The following ADSS1 variants were observed in gnomAD, a reference collection of about 807,000 sequenced individuals.
ADSS1 encodes the protein adenylosuccinate synthetase isozyme 1.
In ADSS1, 57 loss-of-function variants were observed where a neutral mutation model predicts 59.1. The ratio of observed to expected loss-of-function variants is 0.97; its 90% confidence interval spans 0.78 to 1.20. The LOEUF (loss-of-function observed/expected upper bound fraction) is 1.20. Among genes scored for constraint, ADSS1 ranks in the 50% most tolerant of loss-of-function variants. The probability of loss-of-function intolerance (pLI) is 0.00; values close to 1 mark genes in which losing one functional copy is unlikely to be tolerated. For missense variants in ADSS1, 603 were observed against 610.3 expected, an observed-to-expected ratio of 0.99 and a Z score of 0.13; for synonymous variants, 247 against 249.4, an observed-to-expected ratio of 0.99 and a Z score of 0.09.
chr14:104,730,306 C>G, intron 1 of ADSS1: 1 of 1,304,114 alleles, frequency 7.7e-7, no homozygotes. Context: ...CCAGCCTGGC[C>G]AAGTGAAACC....
chr14:104,734,277 C>T (rs1891037563), intron 1 of ADSS1, among the ~76,000 whole-genome samples: 1 of 152,226 alleles, frequency 6.6e-6, no homozygotes, highest in East Asian at 1.9e-4. Flanking sequence ...GACCTGTGCC[C>T]TGCTGAGCAG....
Position 104,740,589 on chromosome 14 carries a change from C to T in ADSS1, c.477-12C>T, listed in dbSNP as rs201862216. 3 of 1,612,784 alleles carry T rather than the reference C, an allele frequency of 1.9e-6. No individual in the cohort carries two copies. In the African/African-American group the frequency reaches 4.0e-5, roughly 22 times the overall value. ...CCTGGGTTCTCATGGGTACCCACTC[C>T]CCATCTTTCAGTATAGGCACCACCA... On this transcript the variant is annotated splice_polypyrimidine_tract_variant and intron_variant, in intron 5 of 12. Transcript: ENST00000330877. The surrounding 1 kb of genome is among the most constrained non-coding windows in gnomAD (Gnocchi z 4.8).
rs539315236 is a variant in ADSS1, at chr14:104,739,458, C to T, written c.409+80C>T. ...GCCGGCCCTGCTCCTACATGGCCAC[C>T]GAGATCAGGGAAGTCCCCAAGGCCT... is the stretch of plus-strand genomic sequence containing the variant. On this transcript the variant is annotated intron_variant, in intron 4 of 12. Coordinates refer to ENST00000330877, the MANE Select transcript of ADSS1 (RefSeq NM_152328.5). 1.8e-4 allele frequency: 268 copies of T among 1,490,462 alleles called. 3 individuals are homozygous for T. The African/African-American group carries it at 2.9e-3, about 16-fold the overall frequency. The allele number at this position is 1,490,462 out of a possible 1,614,324, so 92.3% of individuals were successfully genotyped here.
chr14:104,743,424 G>A lies in ADSS1; in HGVS notation c.1073+233G>A, dbSNP rs556804303. The A allele has an allele frequency of 1.6e-4, 85 of 537,286 alleles. 1 individual carries two copies. In the Admixed American group the frequency reaches 1.6e-3, roughly 10 times the overall value. The allele number at this position is 537,286 out of a possible 1,614,324, so 33.3% of individuals were successfully genotyped here. A position where few individuals can be genotyped will look rare whatever the true frequency, so the allele number is the denominator to read the frequency against. On this transcript the variant is annotated intron_variant, in intron 10 of 12. Coordinates refer to ENST00000330877, the MANE Select transcript of ADSS1 (RefSeq NM_152328.5). Reference sequence around the variant, plus strand: ...AAACTCCCACCCCAGGGCTGATGCCGTGAAGGATGAGGGCATCCCGGCACT... The same window carrying A: ...AAACTCCCACCCCAGGGCTGATGCCATGAAGGATGAGGGCATCCCGGCACT...
Position 104,744,884 on chromosome 14 carries a change from C to G in ADSS1, c.1146C>G (p.Asn382Lys). 1 of 1,613,980 alleles carries G rather than the reference C, an allele frequency of 6.2e-7. No homozygotes were observed. Among genetic ancestry groups the G allele is most frequent in the South Asian group, 1.1e-5 (1 of 91,080 alleles). ...EVKVGVSYKLNGKRIPYFPAN... is the reference protein window; with the variant it reads ...EVKVGVSYKLKGKRIPYFPAN... ...AAGTCGGTGTCTCATACAAGCTGAA[C>G]GGGAAAAGGATTCCCTATTTCCCAG... is the stretch of plus-strand genomic sequence containing the variant. The change falls in exon 11 of 13, where the codon AAC becomes AAG. Residue 382 changes from asparagine (N) to lysine (K), a missense_variant. Transcript: ENST00000330877.
rs1473282795 is a variant in ADSS1, at chr14:104,740,346, C to T, written c.477-255C>T. ...CACGCCACACAAGCCCACACACCCA[C>T]GCAAATGCACAAAAGTACACACAGC... On this transcript the variant is annotated intron_variant, in intron 5 of 12. Transcript: ENST00000330877. This position sits in a 1 kb window ranked among gnomAD's most constrained non-coding sequence, Gnocchi z 4.8. Among the ~76,000 whole-genome samples, 5 of 151,998 alleles carry T rather than the reference C, an allele frequency of 3.3e-5. No homozygotes were observed. Among genetic ancestry groups the T allele is most frequent in the Admixed American group, 1.3e-4 (2 of 15,266 alleles).
Position 104,726,692 on chromosome 14 carries a change from A to G in ADSS1, c.192+2230A>G, listed in dbSNP as rs1890727112. Among the ~76,000 whole-genome samples the G allele has an allele frequency of 2.0e-5, 3 of 152,220 alleles. 1 individual carries two copies. Among genetic ancestry groups the G allele is most frequent in the Admixed American group, 2.0e-4 (3 of 15,288 alleles). On this transcript the variant is annotated intron_variant, in intron 1 of 12. Coordinates refer to ENST00000330877, the MANE Select transcript of ADSS1 (RefSeq NM_152328.5). The stretch of plus-strand genomic sequence containing the variant: ...GAAGGTACCCGACATGGGGGTCTCC[A>G]GGCGCACAGAGGCCAAACCTCACCC...
In ADSS1 at chr14:104,724,266, C is replaced by A. The variant is rs1413253220; in HGVS notation, c.-5C>A. 2 of 1,227,866 alleles carry A rather than the reference C, an allele frequency of 1.6e-6. No individual in the cohort carries two copies. The highest frequency in any genetic ancestry group is 3.2e-5 in the East Asian group (1 of 31,276). 76.1% of individuals were successfully genotyped at this position (1,227,866 alleles called of 1,614,324 possible). On this transcript the variant is annotated 5_prime_UTR_variant, in exon 1 of 13. Transcript: ENST00000330877. ...GGGCCAGCGCAGCGGAAGAGCCAAG[C>A]CAGCATGTCGGGGACCCGAGCCTCC...
At chr14:104,725,444 C>T (rs1321046774) in intron 1 of ADSS1, among the ~76,000 whole-genome samples, 1 of 152,182 alleles carries the variant, frequency 6.6e-6, no homozygotes, top group Non-Finnish European at 1.5e-5. Context: ...TCTGTGGCCT[C>T]CTTCCTGAGC....
rs1289084888 is a variant in ADSS1, at chr14:104,743,130, C to T, written c.1012C>T (p.Arg338Cys). 10 of 1,612,952 alleles carry T rather than the reference C, an allele frequency of 6.2e-6. No homozygotes were observed. Among genetic ancestry groups the T allele is most frequent in the East Asian group, 2.2e-5 (1 of 44,878 alleles). Residue 338 changes from arginine to cysteine, a missense_variant, in exon 10 of 13, where the codon CGC becomes TGC. Coordinates refer to ENST00000330877, the MANE Select transcript of ADSS1 (RefSeq NM_152328.5). The stretch of plus-strand genomic sequence containing the variant: ...GGGAGTGACCACAGGCAGGAAGAGG[C>T]GCTGCGGCTGGCTCGACCTGATGAT... ...EWGVTTGRKR[R>C]CGWLDLMILR...
chr14:104,736,651 AG>A (rs958339254), intron 2 of ADSS1, among the ~76,000 whole-genome samples: 2 of 152,090 alleles, frequency 1.3e-5, no homozygotes, highest in Non-Finnish European at 2.9e-5. Flanking sequence ...GGGAGGCAGC[AG>A]GGGTTTCTGA....
rs201576945 is a variant in ADSS1 at position 104,743,093 on chromosome 14, C to A, written c.975C>A (p.Arg325=). The A allele has an allele frequency of 5.3e-5, 86 of 1,612,988 alleles. No homozygotes were observed. Among genetic ancestry groups the A allele is most frequent in the Non-Finnish European group, 5.9e-6 (7 of 1,179,994 alleles). ...INEIGGLLQT[R]GHEWGVTTGR... ...AGATTGGAGGCCTGCTGCAGACCCGCGGCCACGAGTGGGGAGTGACCACAG... is the reference window on the plus strand; with the variant it reads ...AGATTGGAGGCCTGCTGCAGACCCGAGGCCACGAGTGGGGAGTGACCACAG... Residue 325 remains arginine (R), a synonymous_variant, in exon 10 of 13, where the codon CGC becomes CGA. Coordinates refer to ENST00000330877, the MANE Select transcript of ADSS1 (RefSeq NM_152328.5).
At chr14:104,733,835 C>G (rs1244023133) in intron 1 of ADSS1, among the ~76,000 whole-genome samples, 1 of 152,152 alleles carries the variant, frequency 6.6e-6, no homozygotes, top group Non-Finnish European at 1.5e-5. Context: ...CGCAACCCCA[C>G]CGGGACCCTG....
At position 104,735,019 on chromosome 14, in the gene ADSS1, G is replaced by T; in HGVS notation, c.193-1G>T. The stretch of plus-strand genomic sequence containing the variant: ...TCAGCTCAGCCGGGTTTCTGTTCCA[G>T]GGGGGCAACAACGCCGGCCACACGG... On this transcript the variant is annotated splice_acceptor_variant, in intron 1 of 12. Coordinates refer to ENST00000330877, the MANE Select transcript of ADSS1 (RefSeq NM_152328.5). LOFTEE classifies it high-confidence loss of function. The T allele has an allele frequency of 6.2e-7, 1 of 1,612,320 alleles. No homozygotes were observed. Among genetic ancestry groups the T allele is most frequent in the Non-Finnish European group, 8.5e-7 (1 of 1,178,736 alleles).
chr14:104,739,271 G>C, intron 3 of ADSS1, 57 bp from the exon 4 acceptor site: 1 of 1,559,460 alleles, frequency 6.4e-7, no homozygotes, highest in Non-Finnish European at 8.7e-7. Context: ...GGCCCCTCAC[G>C]TGTGAGCTGC....
At chr14:104,735,367 C>T (rs777473775) in intron 2 of ADSS1, among the ~76,000 whole-genome samples, 11 of 151,936 alleles carry the variant, frequency 7.2e-5, no homozygotes, top group Non-Finnish European at 1.5e-4. Flanking sequence ...TCACATCCAC[C>T]GCGCAGGAGC....
chr14:104,724,229 G>C lies in ADSS1; in HGVS notation c.-42G>C, dbSNP rs920736921. On this transcript the variant is annotated 5_prime_UTR_variant, in exon 1 of 13. Transcript: ENST00000330877. ...TAATGGCGCGGACGCCGGCGGCGGC[G>C]GGCTCCTGGCCGGGCCAGCGCAGCG... is the stretch of plus-strand genomic sequence containing the variant. 1.6e-6 allele frequency: 2 copies of C among 1,220,090 alleles called. No homozygotes were observed. The highest frequency in any genetic ancestry group is 8.6e-5 in the Admixed American group (2 of 23,228). The allele number at this position is 1,220,090 out of a possible 1,614,324, so 75.6% of individuals were successfully genotyped here.
At chr14:104,746,113 T>A in intron 11 of ADSS1, 123 bp from the exon 12 acceptor site, 1 of 1,334,932 alleles carries the variant, frequency 7.5e-7, no homozygotes, top group Non-Finnish European at 1.0e-6. Context: ...ACTTGCTGCC[T>A]TCCTTGCAGC....
At chr14:104,736,051 G>A (rs1035909614) in intron 2 of ADSS1, among the ~76,000 whole-genome samples, 2 of 152,232 alleles carry the variant, frequency 1.3e-5, no homozygotes, top group East Asian at 3.8e-4. Flanking sequence ...CATTCAATGT[G>A]AGCAGAGGGA....
Sources: gnomAD v4.1 joint callset for allele counts (sites outside exome capture counted in the v4.1 genomes callset) on GRCh38, gnomAD v4.1.1 for gene constraint, Gnocchi (gnomAD v3.1) non-coding constraint, MANE v1.5 for transcripts, NCBI Gene and HGNC (gene_info 2026-07-23, HGNC 2026-07-21) for gene names.